SLC44A5: variants seen among roughly 807,000 people sequenced by gnomAD.
SLC44A5 encodes choline transporter-like protein 5.
A neutral mutation model predicts 101.8 loss-of-function variants in SLC44A5; 57 were observed. The observed-to-expected ratio is 0.56, with a 90% CI of 0.45 to 0.70. SLC44A5 has a LOEUF of 0.70. Ranked by LOEUF, SLC44A5 falls within the 30% of genes least tolerant of loss-of-function variation. The pLI, the probability that SLC44A5 is intolerant of heterozygous loss-of-function variation, is 0.00. For synonymous variants in SLC44A5, 281 were observed against 290.9 expected (o/e 0.97, Z 0.35); for missense variants, 737 against 853.1 (o/e 0.86, Z 1.70).
intron 13 of SLC44A5, among the ~76,000 whole-genome samples, chr1:75,225,287 C>T (rs1047506551): frequency 6.6e-6 from 1 of 152,148 alleles, no homozygotes; most frequent in Non-Finnish European, 1.5e-5. Context: ...TAGGCCATTA[C>T]GTGTAGCCTA....
chr1:75,528,467 A>G (rs150589068), intron 2 of SLC44A5, among the ~76,000 whole-genome samples: 15 of 152,326 alleles, frequency 9.8e-5, no homozygotes, highest in Non-Finnish European at 2.1e-4. Flanking sequence ...ATACAACTTT[A>G]ACGTCTAGTG....
At chr1:75,373,063 T>C (rs1660334681) in intron 3 of SLC44A5, among the ~76,000 whole-genome samples, 1 of 151,916 alleles carries the variant, frequency 6.6e-6, no homozygotes, top group South Asian at 2.1e-4. Flanking sequence ...AGAAGCAGAG[T>C]CAAAATATCC....
intron 4 of SLC44A5, among the ~76,000 whole-genome samples, chr1:75,334,735 T>C (rs558047624): frequency 5.1e-4 from 77 of 152,310 alleles, no homozygotes; most frequent in African/African-American, 1.7e-3. Flanking sequence ...AATATAAATA[T>C]ATTTCTGAGG....
chr1:75,487,711 C>A (rs1270246929), intron 2 of SLC44A5, among the ~76,000 whole-genome samples: 1 of 152,124 alleles, frequency 6.6e-6, no homozygotes, highest in Non-Finnish European at 1.5e-5. Context: ...GGGATTCCAT[C>A]ATTGTGTGAA....
the SLC44A5 span, among the ~76,000 whole-genome samples, chr1:75,642,264 G>A: frequency 0.077 from 11,656 of 152,072 alleles, 1,502 homozygotes; most frequent in African/African-American, 0.27. Flanking sequence ...ATGCTCTTTT[G>A]TTCTTAGATA....
At chr1:75,683,635 T>C in the SLC44A5 span, among the ~76,000 whole-genome samples, 9 of 152,082 alleles carry the variant, frequency 5.9e-5, no homozygotes, top group South Asian at 2.1e-4. Context: ...AGGGATAGCA[T>C]TGGGAGATAT....
intron 6 of SLC44A5, among the ~76,000 whole-genome samples, chr1:75,259,111 T>C (rs952178698): frequency 1.2e-4 from 18 of 152,102 alleles, no homozygotes; most frequent in African/African-American, 3.9e-4. Context: ...AAAACCAGAA[T>C]GCATCTTCTC....
At chr1:75,533,604 C>A (rs1670838366) in intron 2 of SLC44A5, among the ~76,000 whole-genome samples, 1 of 152,170 alleles carries the variant, frequency 6.6e-6, no homozygotes, top group Admixed American at 6.5e-5. Flanking sequence ...TTGTGTCCAA[C>A]CTCAGACTGA....
chr1:75,215,958 T>C (rs1646953459), intron 18 of SLC44A5, 101 bp from the exon 19 acceptor site: 3 of 698,122 alleles, frequency 4.3e-6, no homozygotes, highest in Non-Finnish European at 7.2e-6. Flanking sequence ...TAAAATTTTT[T>C]ATTGTTATAA....
chr1:75,586,335 C>G (rs985617560), intron 1 of SLC44A5, among the ~76,000 whole-genome samples: 3 of 149,798 alleles, frequency 2.0e-5, no homozygotes, highest in Admixed American at 6.8e-5. Context: ...AACAGAAGAG[C>G]CAATGCCTTA....
chr1:75,259,524 A>T lies in SLC44A5; in HGVS notation c.261-8230T>A, dbSNP rs193013009. ...GAACAAAGCCTCCAAGAAATATGGGACTATGTGAAAAGACCAAATATATGT... is the reference window on the plus strand; with the variant it reads ...GAACAAAGCCTCCAAGAAATATGGGTCTATGTGAAAAGACCAAATATATGT... On this transcript the variant is annotated intron_variant, in intron 6 of 23. Coordinates refer to ENST00000370859, the MANE Select transcript of SLC44A5 (RefSeq NM_001130058.2). Among the ~76,000 whole-genome samples, 237 of 152,286 alleles carry T rather than the reference A, an allele frequency of 1.6e-3. 4 individuals carry two copies. The highest frequency in any genetic ancestry group is 5.5e-3 in the African/African-American group (228 of 41,542).
intron 2 of SLC44A5, among the ~76,000 whole-genome samples, chr1:75,486,492 C>G (rs549013394): frequency 7.2e-4 from 110 of 152,198 alleles, no homozygotes; most frequent in Non-Finnish European, 1.2e-3. Flanking sequence ...GAAGCACAAA[C>G]AAAAGAAATG....
intron 5 of SLC44A5, among the ~76,000 whole-genome samples, chr1:75,291,270 A>T (rs962999650): frequency 1.3e-5 from 2 of 152,280 alleles, no homozygotes; most frequent in Non-Finnish European, 2.9e-5. Context: ...AGTATTTGAA[A>T]TAATGAGGAC....
chr1:75,584,136 CA>C (rs775787718), intron 1 of SLC44A5, among the ~76,000 whole-genome samples: 1 of 152,160 alleles, frequency 6.6e-6, no homozygotes, highest in Non-Finnish European at 1.5e-5. Context: ...AGGAGAGATC[CA>C]AAGTAAAGGG....
Position 75,336,369 on chromosome 1 carries a change from G to C in SLC44A5, c.101+3213C>G, listed in dbSNP as rs180720463. On this transcript the variant is annotated intron_variant, in intron 4 of 23. Transcript: ENST00000370859. The stretch of plus-strand genomic sequence containing the variant: ...GGGTTTCACCATGTTGGCCAGGCTG[G>C]TTTCCAACTTCTGGCCTCAACTGAT... Among the ~76,000 whole-genome samples, 566 of 152,136 alleles carry C rather than the reference G, an allele frequency of 3.7e-3. 2 individuals carry two copies. The highest frequency in any genetic ancestry group is 0.013 in the African/African-American group (545 of 41,518).
the SLC44A5 span, among the ~76,000 whole-genome samples, chr1:75,702,191 G>A: frequency 6.6e-4 from 101 of 152,202 alleles, no homozygotes; most frequent in African/African-American, 2.1e-3. Flanking sequence ...AAAAGAGCCC[G>A]CATTGCCAAG....
At chr1:75,318,511 A>C (rs191719316) in intron 4 of SLC44A5, among the ~76,000 whole-genome samples, 33 of 152,360 alleles carry the variant, frequency 2.2e-4, no homozygotes, top group Middle Eastern at 3.4e-3. Context: ...ATTTTAAGCC[A>C]GATGATCTGC....
the SLC44A5 span, among the ~76,000 whole-genome samples, chr1:75,682,054 GAAGGACCTCTTC>G: frequency 6.6e-6 from 1 of 152,158 alleles, no homozygotes; most frequent in African/African-American, 2.4e-5. Context: ...CAAAGGATGT[GAAGGACCTCTTC>G]AAGGAGAACT....
chr1:75,238,018 G>A (rs1648261559), intron 10 of SLC44A5, among the ~76,000 whole-genome samples: 1 of 151,744 alleles, frequency 6.6e-6, no homozygotes, highest in South Asian at 2.1e-4. Flanking sequence ...AGGGACGTGG[G>A]GAATTTACTG....
Sources: allele counts gnomAD v4.1 joint callset (sites outside exome capture counted in the v4.1 genomes callset), GRCh38; gene constraint gnomAD v4.1.1; transcripts MANE v1.5; gene names NCBI Gene and HGNC (gene_info 2026-07-23, HGNC 2026-07-21).